CXXC5: variants seen among roughly 807,000 people sequenced by gnomAD.
The protein encoded by CXXC5 is CXXC-type zinc finger protein 5.
In CXXC5, 2 loss-of-function variants were observed where a neutral mutation model predicts 17.6. The observed-to-expected ratio is 0.11, with a 90% CI of 0.05 to 0.36. CXXC5 has a LOEUF of 0.36. CXXC5 is among the 10% of genes least tolerant of loss of function. CXXC5 has a pLI of 1.00. For missense variants in CXXC5, 343 were observed against 458.3 expected, an observed-to-expected ratio of 0.75 and a Z score of 2.30; for synonymous variants, 171 against 193.0, an observed-to-expected ratio of 0.89 and a Z score of 0.94.
chr5:139,673,957 G>A (rs922801425), intron 1 of CXXC5, among the ~76,000 whole-genome samples: 4 of 152,150 alleles, frequency 2.6e-5, no homozygotes, highest in African/African-American at 9.7e-5. Flanking sequence ...AGGGGTGTAA[G>A]AGGGTCAGGG....
At chr5:139,667,239 G>A (rs1436986663) in intron 1 of CXXC5, among the ~76,000 whole-genome samples, 2 of 152,184 alleles carry the variant, frequency 1.3e-5, no homozygotes, top group East Asian at 3.8e-4. Context: ...TCAGAGGAGA[G>A]GCATTTCCTC....
intron 1 of CXXC5, among the ~76,000 whole-genome samples, chr5:139,662,662 C>T (rs544583357): frequency 6.6e-6 from 1 of 152,146 alleles, no homozygotes; most frequent in Non-Finnish European, 1.5e-5. Flanking sequence ...ACGACTGGAC[C>T]GTGGTTGAGG....
Position 139,658,304 on chromosome 5 carries a change from C to T in CXXC5, c.-161+9459C>T, listed in dbSNP as rs906539674. ...GAGGCATTTTTCAAGTCAGGATTCTCGTTGGGATTCTGGAATCACAGAACC... is the reference window on the plus strand; with the variant it reads ...GAGGCATTTTTCAAGTCAGGATTCTTGTTGGGATTCTGGAATCACAGAACC... On this transcript the variant is annotated intron_variant, in intron 1 of 2. Transcript: ENST00000302517. This position sits in a 1 kb window ranked among gnomAD's most constrained non-coding sequence, Gnocchi z 4.1. 1.3e-5 allele frequency among the ~76,000 whole-genome samples: 2 copies of T among 152,248 alleles called. No homozygotes were observed. The highest frequency in any genetic ancestry group is 2.1e-4 in the South Asian group (1 of 4,812).
chr5:139,660,859 C>T (rs994765236), intron 1 of CXXC5, among the ~76,000 whole-genome samples: 48 of 146,054 alleles, frequency 3.3e-4, no homozygotes, highest in Non-Finnish European at 3.9e-4. Flanking sequence ...AAATATCCTC[C>T]CCCCACCCAC....
chr5:139,665,044 G>A (rs1318619161), intron 1 of CXXC5, among the ~76,000 whole-genome samples: 1 of 152,240 alleles, frequency 6.6e-6, no homozygotes, highest in Non-Finnish European at 1.5e-5. Context: ...TGGTCTTGAG[G>A]ATTCTGGGAA....
chr5:139,682,987 A>G lies in CXXC5; in HGVS notation c.*80A>G, dbSNP rs1221544841. 1 of 1,284,670 alleles carries G rather than the reference A, an allele frequency of 7.8e-7. No individual in the cohort carries two copies. The highest frequency in any genetic ancestry group is 1.0e-6 in the Non-Finnish European group (1 of 955,024). The allele number at this position is 1,284,670 out of a possible 1,614,324, so 79.6% of individuals were successfully genotyped here. A position where few individuals can be genotyped will look rare whatever the true frequency, so the allele number is the denominator to read the frequency against. On this transcript the variant is annotated 3_prime_UTR_variant, in exon 3 of 3. Transcript: ENST00000302517. Reference sequence around the variant, plus strand: ...TCCAGCAAGGGATTCGGGCGAAGACAAACGGATGCACCCGTCTTTAGAACC... The same window carrying G: ...TCCAGCAAGGGATTCGGGCGAAGACGAACGGATGCACCCGTCTTTAGAACC...
chr5:139,673,751 A>G (rs1480603480), intron 1 of CXXC5, among the ~76,000 whole-genome samples: 1 of 151,426 alleles, frequency 6.6e-6, no homozygotes, highest in African/African-American at 2.4e-5. Context: ...CTGAGGCAGG[A>G]GAATTGCTTG....
chr5:139,655,208 C>G (rs1755420588), intron 1 of CXXC5, among the ~76,000 whole-genome samples: 1 of 152,146 alleles, frequency 6.6e-6, no homozygotes. Flanking sequence ...TCAGCCTGTC[C>G]CTCCATCGCA....
chr5:139,664,284 G>A (rs1037742225), intron 1 of CXXC5, among the ~76,000 whole-genome samples: 1 of 152,176 alleles, frequency 6.6e-6, no homozygotes, highest in Non-Finnish European at 1.5e-5. Context: ...AAACTCCATG[G>A]TTAGGCCTGT....
At chr5:139,650,504 A>G (rs938020505) in intron 1 of CXXC5, among the ~76,000 whole-genome samples, 12 of 152,166 alleles carry the variant, frequency 7.9e-5, no homozygotes, top group Non-Finnish European at 1.5e-4. Context: ...GCCGGCAAAC[A>G]GAGTCCCTTT....
Position 139,680,716 on chromosome 5 carries a change from A to C in CXXC5, c.193A>C (p.Ile65Leu), listed in dbSNP as rs1757148693. The C allele has an allele frequency of 9.3e-6, 15 of 1,613,378 alleles. No homozygotes were observed. Among genetic ancestry groups the C allele is most frequent in the Non-Finnish European group, 1.3e-5 (15 of 1,180,030 alleles). ...CGAGCGTCGGAACAAGAGCGGTATC[A>C]TCAGTGAGCCCCTCAACAAGAGCCT... ...PPERRNKSGI[I>L]SEPLNKSLRR... Residue 65 changes from isoleucine to leucine, a missense_variant, in exon 2 of 3, where the codon ATC (isoleucine) becomes CTC (leucine). Around this residue, in one of 4 missense-constraint regions of CXXC5, gnomAD observed 297 missense variants for 363.4 expected, o/e 0.82. Coordinates refer to ENST00000302517, the MANE Select transcript of CXXC5 (RefSeq NM_016463.9).
At chr5:139,654,899 G>A (rs1221012524) in intron 1 of CXXC5, among the ~76,000 whole-genome samples, 4 of 152,176 alleles carry the variant, frequency 2.6e-5, no homozygotes, top group African/African-American at 4.8e-5. Flanking sequence ...CTGGGGTAGC[G>A]TGGGAGGGCT....
chr5:139,665,639 TG>T (rs1756067946), intron 1 of CXXC5: 1 of 152,288 alleles, frequency 6.6e-6, no homozygotes, highest in Non-Finnish European at 1.5e-5. Flanking sequence ...GAATTTTGCT[TG>T]GGAAATTAAT....
chr5:139,661,231 TGGGC>T lies in CXXC5; in HGVS notation c.-161+12397_-161+12400del, dbSNP rs895894310. ...ATCAGCCCAGCAGAGCAGGGTGAGC[TGGGC>T]GGGCGGGCGGCAGGATTAGCTCAGG... On this transcript the variant is annotated intron_variant, in intron 1 of 2. Coordinates refer to ENST00000302517, the MANE Select transcript of CXXC5 (RefSeq NM_016463.9). The surrounding 1 kb of genome is among the most constrained non-coding windows in gnomAD (Gnocchi z 4.7). 1.3e-4 allele frequency among the ~76,000 whole-genome samples: 20 copies of T among 152,168 alleles called. No homozygotes were observed. The highest frequency in any genetic ancestry group is 2.5e-4 in the Non-Finnish European group (17 of 68,022).
At chr5:139,656,544 C>G (rs185985098) in intron 1 of CXXC5, among the ~76,000 whole-genome samples, 26 of 152,326 alleles carry the variant, frequency 1.7e-4, no homozygotes, top group African/African-American at 5.1e-4. Context: ...TCATTGATCC[C>G]CTCATTCATC....
chr5:139,681,021 G>T lies in CXXC5; in HGVS notation c.498G>T (p.Ala166=). The change falls in exon 2 of 3, where the codon GCG becomes GCT. Residue 166 remains alanine, a synonymous_variant. Coordinates refer to ENST00000302517, the MANE Select transcript of CXXC5 (RefSeq NM_016463.9). The stretch of plus-strand genomic sequence containing the variant: ...GACAGCTGACGCTGCAGCAGTTTGC[G>T]CAGTCCACAGAGATGCTGAAGCGCG... ...AEGQLTLQQF[A]QSTEMLKRVV... 1 of 1,607,420 alleles carries T rather than the reference G, an allele frequency of 6.2e-7. No individual in the cohort carries two copies. The highest frequency in any genetic ancestry group is 8.5e-7 in the Non-Finnish European group (1 of 1,179,940).
chr5:139,652,147 GGCGCGCGCGC>G (rs34430057), intron 1 of CXXC5, among the ~76,000 whole-genome samples: 1,455 of 136,594 alleles, frequency 0.011, 25 homozygotes, highest in African/African-American at 0.034. Context: ...CCTAGCCGCC[GGCGCGCGCGC>G]GCGCGCGCGC....
At position 139,670,868 on chromosome 5, in the gene CXXC5, C is replaced by T. The variant is rs554160243; in HGVS notation, c.-160-9496C>T. On this transcript the variant is annotated intron_variant, in intron 1 of 2. Coordinates refer to ENST00000302517, the MANE Select transcript of CXXC5 (RefSeq NM_016463.9). The surrounding 1 kb of genome is among the most constrained non-coding windows in gnomAD (Gnocchi z 4.2). ...CTACACACTCAACCGGGCACATTCA[C>T]AGTCCACTGGACACACACACAGTTG... 6.6e-6 allele frequency among the ~76,000 whole-genome samples: 1 copy of T among 152,242 alleles called. No homozygotes were observed. The highest frequency in any genetic ancestry group is 1.5e-5 in the Non-Finnish European group (1 of 68,040).
upstream of CXXC5, chr5:139,647,447 GA>G (rs1754936672): frequency 6.6e-6 from 1 of 152,264 alleles, no homozygotes; most frequent in Non-Finnish European, 1.5e-5. Context: ...TACGTGAGGT[GA>G]AGACATCTGC....
Sources: allele counts gnomAD v4.1 joint callset (sites outside exome capture counted in the v4.1 genomes callset), GRCh38; gene constraint gnomAD v4.1.1; regional missense constraint gnomAD v4.1.1; non-coding constraint Gnocchi (gnomAD v3.1); transcripts MANE v1.5; gene names NCBI Gene and HGNC (gene_info 2026-07-23, HGNC 2026-07-21).